AP4S1: variants seen among roughly 807,000 people sequenced by gnomAD.
AP4S1 encodes AP-4 complex subunit sigma-1.
A neutral mutation model predicts 19.8 loss-of-function variants in AP4S1; 23 were observed. The ratio of observed to expected loss-of-function variants is 1.16; its 90% CI spans 0.84 to 1.65. The LOEUF is 1.65. Ranked by LOEUF, AP4S1 falls within the 40% of genes most tolerant of loss-of-function variation. AP4S1 has a pLI of 0.00. For missense variants in AP4S1, 166 were observed against 172.8 expected (o/e 0.96, Z 0.22); for synonymous variants, 46 against 54.1 (o/e 0.85, Z 0.66).
chr14:31,079,454 G>A (rs1323046557), intron 4 of AP4S1, among the ~76,000 whole-genome samples: 3 of 152,054 alleles, frequency 2.0e-5, no homozygotes, highest in Admixed American at 6.6e-5. Context: ...CTGCACATTC[G>A]GAGGCTGCAC....
chr14:31,057,828 A>G (rs1198582185), intron 1 of AP4S1, among the ~76,000 whole-genome samples: 3 of 151,808 alleles, frequency 2.0e-5, no homozygotes, highest in East Asian at 1.9e-4. Flanking sequence ...GGGATTCACA[A>G]TGTTAGCCAG....
At position 31,063,578 on chromosome 14, in the gene AP4S1, C is replaced by T. The variant is rs1393478338; in HGVS notation, c.-71-2548C>T. Among the ~76,000 whole-genome samples the T allele has an allele frequency of 3.9e-5, 6 of 152,126 alleles. No individual in the cohort carries two copies. The East Asian group carries it at 9.6e-4, about 24-fold the overall frequency. ...AAGGCTATAGTGAGCCATGATTGTA[C>T]CACTGTACTCCAGCCTGGGCCAGTA... On this transcript the variant is annotated intron_variant, in intron 1 of 5. Coordinates refer to ENST00000542754, the MANE Select transcript of AP4S1 (RefSeq NM_001128126.3).
At chr14:31,025,471 A>AG (rs1462183172), upstream of AP4S1, 1 of 158,082 alleles carries the variant, frequency 6.3e-6, no homozygotes, top group Non-Finnish European at 1.3e-5. Context: ...GGTCCGGAAA[A>AG]GGGGGGTAAG....
chr14:31,061,450 A>G (rs1209644994), intron 1 of AP4S1, among the ~76,000 whole-genome samples: 1 of 152,178 alleles, frequency 6.6e-6, no homozygotes, highest in Non-Finnish European at 1.5e-5. Flanking sequence ...ACAGCCGAGC[A>G]TTTAGCAAAC....
chr14:31,080,968 T>G (rs1221609949), intron 5 of AP4S1, among the ~76,000 whole-genome samples: 1 of 152,124 alleles, frequency 6.6e-6, no homozygotes, highest in Non-Finnish European at 1.5e-5. Context: ...ATGTTTGTAT[T>G]TTTAGTAGAC....
At position 31,085,916 on chromosome 14, in the gene AP4S1, A is replaced by G. The variant is rs183452357; in HGVS notation, c.306+5332A>G. On this transcript the variant is annotated intron_variant, in intron 5 of 5. Coordinates refer to ENST00000542754, the MANE Select transcript of AP4S1 (RefSeq NM_001128126.3). ...CCCTGATTCATGTCCCTTCTATTGC[A>G]GTTGAGGGTGGGACATAGGAAGGGC... is the stretch of plus-strand genomic sequence containing the variant. 171 of 850,632 alleles carry G rather than the reference A, an allele frequency of 2.0e-4. No individual in the cohort carries two copies. The African/African-American group carries it at 3.0e-3, about 15-fold the overall frequency. 52.7% of individuals were successfully genotyped at this position (850,632 alleles called of 1,614,324 possible). A position where few individuals can be genotyped will look rare whatever the true frequency, so the allele number is the denominator to read the frequency against.
chr14:31,038,364 C>G lies in AP4S1; in HGVS notation c.-72+12577C>G, dbSNP rs563907509. Among the ~76,000 whole-genome samples, 6 of 152,288 alleles carry G rather than the reference C, an allele frequency of 3.9e-5. No homozygotes were observed. The South Asian group carries it at 1.2e-3, about 32-fold the overall frequency. On this transcript the variant is annotated intron_variant, in intron 1 of 5. Coordinates refer to ENST00000542754, the MANE Select transcript of AP4S1 (RefSeq NM_001128126.3). ...TGAGCCACTTCTTTGACATTTTAGG[C>G]TCCCTGTTGAGATCAATTACAAGTA... is the stretch of plus-strand genomic sequence containing the variant.
rs570755170 is a variant in AP4S1 at position 31,057,765 on chromosome 14, A to G, written c.-71-8361A>G. Among the ~76,000 whole-genome samples, 22 of 152,046 alleles carry G rather than the reference A, an allele frequency of 1.4e-4. 1 individual carries two copies. In the South Asian group the frequency reaches 4.2e-3, roughly 29 times the overall value. On this transcript the variant is annotated intron_variant, in intron 1 of 5. Transcript: ENST00000542754. ...CTTAGCCTCTCAAGTAGCTATGATTACAGGCACCCGACAACACGCCTGGCT... is the reference window on the plus strand; with the variant it reads ...CTTAGCCTCTCAAGTAGCTATGATTGCAGGCACCCGACAACACGCCTGGCT...
chr14:31,080,810 T>C (rs1887598399), intron 5 of AP4S1, among the ~76,000 whole-genome samples: 1 of 152,184 alleles, frequency 6.6e-6, no homozygotes, highest in African/African-American at 2.4e-5. Flanking sequence ...AGATGGAGTT[T>C]CGCTCTTCTT....
intron 1 of AP4S1, among the ~76,000 whole-genome samples, chr14:31,046,213 T>A (rs1171598738): frequency 6.6e-6 from 1 of 152,070 alleles, no homozygotes; most frequent in African/African-American, 2.4e-5. Context: ...AGCCTCAGCC[T>A]CCCAAAGTGC....
chr14:31,037,237 C>G (rs528616121), intron 1 of AP4S1, among the ~76,000 whole-genome samples: 2 of 149,370 alleles, frequency 1.3e-5, no homozygotes, highest in Non-Finnish European at 3.0e-5. Flanking sequence ...TCCTCCTGTT[C>G]TTGTTGCTAC....
chr14:31,077,788 T>TAC (rs1277745117), intron 4 of AP4S1, among the ~76,000 whole-genome samples: 1 of 147,396 alleles, frequency 6.8e-6, no homozygotes. Flanking sequence ...CAGGCTGGAG[T>TAC]GCAGTGGCGC....
intron 1 of AP4S1, among the ~76,000 whole-genome samples, chr14:31,032,430 CT>C (rs1307043797): frequency 1.1e-4 from 17 of 152,084 alleles, no homozygotes. Context: ...CAAATGTCTT[CT>C]TATCAGTTAT....
chr14:31,091,848 T>A (rs1373463306), intron 5 of AP4S1, among the ~76,000 whole-genome samples: 1 of 152,216 alleles, frequency 6.6e-6, no homozygotes, highest in Non-Finnish European at 1.5e-5. Context: ...CTGTCAACTG[T>A]TTTTGTTTTT....
chr14:31,025,608 C>T (rs1294204957), upstream of AP4S1: 3 of 477,926 alleles, frequency 6.3e-6, no homozygotes, highest in Admixed American at 7.2e-5. Context: ...GCCCCGGAGG[C>T]CCGGGAAGGC....
chr14:31,075,470 G>T (rs1184743377), intron 4 of AP4S1, among the ~76,000 whole-genome samples: 6 of 152,050 alleles, frequency 3.9e-5, no homozygotes, highest in African/African-American at 1.4e-4. Context: ...GGCTATTGTG[G>T]ACAGTGCTAC....
At position 31,025,693 on chromosome 14, in the gene AP4S1, G is replaced by T; in HGVS notation, c.-166G>T. The T allele has an allele frequency of 1.4e-6, 1 of 728,184 alleles. No homozygotes were observed. Among genetic ancestry groups the T allele is most frequent in the Non-Finnish European group, 2.2e-6 (1 of 464,042 alleles). The allele number at this position is 728,184 out of a possible 1,614,324, so 45.1% of individuals were successfully genotyped here. On this transcript the variant is annotated 5_prime_UTR_variant, in exon 1 of 6. Coordinates refer to ENST00000542754, the MANE Select transcript of AP4S1 (RefSeq NM_001128126.3). ...GCCCCGAGGAGGCCCGCACCGCGTA[G>T]CCAGTGAAGGTTGGGGAGCAAGCTT...
chr14:31,065,306 C>T (rs563438328), intron 1 of AP4S1, among the ~76,000 whole-genome samples: 7 of 152,320 alleles, frequency 4.6e-5, no homozygotes, highest in South Asian at 2.1e-4. Flanking sequence ...TCATTCTTCA[C>T]GACCTCACAT....
rs1162832392 is a variant in AP4S1, at chr14:31,032,313, A to G, written c.-72+6526A>G. 4.6e-5 allele frequency among the ~76,000 whole-genome samples: 7 copies of G among 152,112 alleles called. No homozygotes were observed. In the East Asian group the frequency reaches 5.8e-4, roughly 13 times the overall value. ...ATCTTGGACACCGTATGCTTATTCT[A>G]TTTTGGACCAGAGAGGAACTTTTCG... On this transcript the variant is annotated intron_variant, in intron 1 of 5. Coordinates refer to ENST00000542754, the MANE Select transcript of AP4S1 (RefSeq NM_001128126.3).
Sources: allele counts gnomAD v4.1 joint callset (sites outside exome capture counted in the v4.1 genomes callset), GRCh38; gene constraint gnomAD v4.1.1; transcripts MANE v1.5; gene names NCBI Gene and HGNC (gene_info 2026-07-23, HGNC 2026-07-21).